Variants in IAPP observed in about 807,000 individuals in gnomAD.
IAPP encodes the protein islet amyloid polypeptide, also known as Islet amyloid polypeptide (diabetes-associated peptide; amylin).
Under a neutral mutation model 2.9 loss-of-function variants are expected in IAPP, and 4 were observed. That is an observed-to-expected ratio of 1.39 (90% confidence interval 0.69 to 3.19). The LOEUF is 3.19. IAPP is among the 30% of genes most tolerant of loss of function. The pLI, the probability that IAPP is intolerant of heterozygous loss-of-function variation, is 0.01. For synonymous variants in IAPP, 40 were observed against 42.1 expected, an observed-to-expected ratio of 0.95 and a Z score of 0.19; for missense variants, 114 against 105.3, an observed-to-expected ratio of 1.08 and a Z score of -0.36.
intron 1 of IAPP, 67 bp downstream of exon 1, chr12:21,373,071 C>T (rs771281402): frequency 9.9e-6 from 4 of 403,496 alleles, no homozygotes; most frequent in Non-Finnish European, 1.8e-5. Flanking sequence ...GTGTTAAATT[C>T]ATGGTTTATT....
chr12:21,371,256 T>G (rs1939768990), upstream of IAPP, among the ~76,000 whole-genome samples: 1 of 152,146 alleles, frequency 6.6e-6, no homozygotes, highest in Non-Finnish European at 1.5e-5. Context: ...AAAGCTGCTT[T>G]CCATTGGCCC....
upstream of IAPP, among the ~76,000 whole-genome samples, chr12:21,371,289 G>T (rs1212726590): frequency 2.0e-5 from 3 of 152,042 alleles, no homozygotes; most frequent in Non-Finnish European, 2.9e-5. Flanking sequence ...TTCTCAATTT[G>T]GTCTGGTGTT....
chr12:21,372,025 AAG>A (rs372931856), upstream of IAPP, among the ~76,000 whole-genome samples: 1 of 151,840 alleles, frequency 6.6e-6, no homozygotes, highest in Non-Finnish European at 1.5e-5. Flanking sequence ...AAAAAAAAGA[AAG>A]AGAGAAAGAA....
chr12:21,370,360 G>A (rs1191866073), upstream of IAPP, among the ~76,000 whole-genome samples: 1 of 151,538 alleles, frequency 6.6e-6, no homozygotes, highest in African/African-American at 2.4e-5. Context: ...TTAAGTTTTA[G>A]GGTACATGTG....
chr12:21,360,935 C>T (rs1246440446), intron 1 of IAPP, among the ~76,000 whole-genome samples: 1 of 152,132 alleles, frequency 6.6e-6, no homozygotes, highest in Non-Finnish European at 1.5e-5. Context: ...GGCCTGCCTG[C>T]CTCTGTAGAC....
chr12:21,355,315 T>C (rs1938279820), intron 1 of IAPP, among the ~76,000 whole-genome samples: 1 of 152,114 alleles, frequency 6.6e-6, no homozygotes, highest in Non-Finnish European at 1.5e-5. Context: ...TGAAGAGTCC[T>C]CCCACTAAAA....
chr12:21,357,718 A>AT (rs981737618), intron 1 of IAPP, among the ~76,000 whole-genome samples: 21 of 151,212 alleles, frequency 1.4e-4, no homozygotes, highest in South Asian at 4.2e-4. Context: ...TTCTGTGTTT[A>AT]TTTTTTTTGT....
chr12:21,365,160 C>G (rs577117794), intron 1 of IAPP, among the ~76,000 whole-genome samples: 2 of 152,260 alleles, frequency 1.3e-5, no homozygotes, highest in African/African-American at 4.8e-5. Context: ...TACAAGGCTA[C>G]AGTAACCAAA....
rs1940389629 is a variant in IAPP, at chr12:21,378,724, T to C, written c.*298T>C. 3.6e-6 allele frequency: 1 copy of C among 279,238 alleles called. No individual in the cohort carries two copies. Among genetic ancestry groups the C allele is most frequent in the Non-Finnish European group, 6.8e-6 (1 of 146,966 alleles). The allele number at this position is 279,238 out of a possible 1,614,324, so 17.3% of individuals were successfully genotyped here. A position where few individuals can be genotyped will look rare whatever the true frequency, so the allele number is the denominator to read the frequency against. ...GGTTTAAGAACGAAGGAGAAAAAGG[T>C]AGTTTGAACCTTGGTAAATTGTAAA... On this transcript the variant is annotated 3_prime_UTR_variant, in exon 3 of 3. Coordinates refer to ENST00000240652, the MANE Select transcript of IAPP (RefSeq NM_000415.3).
At chr12:21,361,175 C>T (rs1366709289) in intron 1 of IAPP, among the ~76,000 whole-genome samples, 1 of 152,174 alleles carries the variant, frequency 6.6e-6, no homozygotes, top group Non-Finnish European at 1.5e-5. Context: ...GGATGCCCCT[C>T]TAAGACAAAG....
intron 1 of IAPP, among the ~76,000 whole-genome samples, chr12:21,359,394 C>T (rs569138197): frequency 1.3e-5 from 2 of 151,680 alleles, no homozygotes; most frequent in African/African-American, 4.8e-5. Context: ...TTGTGTAAAA[C>T]ATTAGTGAAA....
intron 1 of IAPP, among the ~76,000 whole-genome samples, chr12:21,358,549 T>A (rs538571946): frequency 2.0e-5 from 3 of 152,294 alleles, no homozygotes; most frequent in South Asian, 4.1e-4. Flanking sequence ...TTTTATTGTA[T>A]GCAAATATTG....
chr12:21,378,456 T>G lies in IAPP; in HGVS notation c.*30T>G. Reference sequence around the variant, plus strand: ...CAATGTAACTCTATAGTTATTGTTTTATGTTCTAGTGATTTCCTGTATAAT... The same window carrying G: ...CAATGTAACTCTATAGTTATTGTTTGATGTTCTAGTGATTTCCTGTATAAT... On this transcript the variant is annotated 3_prime_UTR_variant, in exon 3 of 3. Transcript: ENST00000240652. 6.5e-7 allele frequency: 1 copy of G among 1,548,688 alleles called. No individual in the cohort carries two copies. Among genetic ancestry groups the G allele is most frequent in the Non-Finnish European group, 8.9e-7 (1 of 1,120,224 alleles).
upstream of IAPP, among the ~76,000 whole-genome samples, chr12:21,372,167 G>C (rs1377377436): frequency 2.0e-5 from 3 of 152,158 alleles, no homozygotes; most frequent in African/African-American, 7.2e-5. Context: ...AAACAAATCT[G>C]TTCTTTCAAA....
chr12:21,362,475 G>C (rs543649280), intron 1 of IAPP, among the ~76,000 whole-genome samples: 1 of 152,300 alleles, frequency 6.6e-6, no homozygotes, highest in Admixed American at 6.5e-5. Flanking sequence ...TTGGTACTAG[G>C]AGGAAACTGC....
chr12:21,370,583 C>T (rs1172048882), upstream of IAPP, among the ~76,000 whole-genome samples: 2 of 147,378 alleles, frequency 1.4e-5, no homozygotes, highest in East Asian at 2.0e-4. Flanking sequence ...TGCAGTGTTT[C>T]GATAGAAGAT....
chr12:21,378,374 G>A lies in IAPP; in HGVS notation c.218G>A (p.Arg73Lys). 6.2e-7 allele frequency: 1 copy of A among 1,614,140 alleles called. No individual in the cohort carries two copies. Among genetic ancestry groups the A allele is most frequent in the Non-Finnish European group, 8.5e-7 (1 of 1,179,978 alleles). ...TNVGSNTYGK[R>K]NAVEVLKREP... ...GTGGGATCCAATACATATGGCAAGA[G>A]GAATGCAGTAGAGGTTTTAAAGAGA... The change falls in exon 3 of 3, where the codon AGG becomes AAG. Residue 73 changes from arginine to lysine, a missense_variant. Arg to Lys is a conservative substitution (Grantham distance 26). Transcript: ENST00000240652.
chr12:21,375,434 A>T (rs1263691103), intron 2 of IAPP, among the ~76,000 whole-genome samples: 3 of 152,198 alleles, frequency 2.0e-5, no homozygotes, highest in Admixed American at 6.5e-5. Flanking sequence ...AACTCTTTTT[A>T]AAAAATAAAA....
chr12:21,367,155 C>T (rs1939449216), intron 1 of IAPP, among the ~76,000 whole-genome samples: 1 of 151,972 alleles, frequency 6.6e-6, no homozygotes, highest in African/African-American at 2.4e-5. Flanking sequence ...TTTCTTTTAG[C>T]CACATTAGTG....
Sources: allele counts gnomAD v4.1 joint callset (sites outside exome capture counted in the v4.1 genomes callset), GRCh38; gene constraint gnomAD v4.1.1; transcripts MANE v1.5; gene names NCBI Gene and HGNC (gene_info 2026-07-23, HGNC 2026-07-21).